Variants in ACACB observed in about 807,000 individuals in gnomAD.
ACACB encodes acetyl-CoA carboxylase beta, also known as acetyl-CoA carboxylase 2.
Under a neutral mutation model 278.8 loss-of-function variants are expected in ACACB, and 209 were observed. That is an observed-to-expected ratio of 0.75 (90% CI 0.67 to 0.84). ACACB has a LOEUF of 0.84. Among genes scored for constraint, ACACB ranks in the 40% least tolerant of loss-of-function variants. ACACB has a pLI of 0.00. For missense variants in ACACB, 2,850 were observed against 3,269.0 expected (o/e 0.87, Z 3.13); for synonymous variants, 1,174 against 1,285.6 (o/e 0.91, Z 1.86).
At chr12:109,128,489 C>G (rs1201375762) in intron 1 of ACACB, among the ~76,000 whole-genome samples, 6 of 152,064 alleles carry the variant, frequency 3.9e-5, no homozygotes, top group Admixed American at 6.6e-5. Flanking sequence ...AGGCACCCAC[C>G]ACCACGCCCA....
At position 109,183,975 on chromosome 12, in the gene ACACB, G is replaced by A. The variant is rs532024233; in HGVS notation, c.1819-1604G>A. Among the ~76,000 whole-genome samples the A allele has an allele frequency of 2.4e-4, 36 of 151,346 alleles. No homozygotes were observed. The South Asian group carries it at 6.3e-3, about 26-fold the overall frequency. On this transcript the variant is annotated intron_variant, in intron 11 of 52. Coordinates refer to ENST00000338432, the MANE Select transcript of ACACB (RefSeq NM_001093.4). ...AGAATGATACAATTAATACCCATAC[G>A]CCCTGCATATAGATCCATCAGTTGC...
In ACACB at chr12:109,222,834, G is replaced by T. The variant is rs1197518125; in HGVS notation, c.3714G>T (p.Leu1238=). 12 of 1,613,768 alleles carry T rather than the reference G, an allele frequency of 7.4e-6. No individual in the cohort carries two copies. In the East Asian group the frequency reaches 2.5e-4, roughly 33 times the overall value. The change falls in exon 26 of 53, where the codon CTG becomes CTT. Residue 1238 remains leucine (L), a synonymous_variant. Transcript: ENST00000338432. ...CCTCCCACCTCCCCTCCTACGAGCTGCGGCATAACCAGGTGGAGTCCATTT... is the reference window on the plus strand; with the variant it reads ...CCTCCCACCTCCCCTCCTACGAGCTTCGGCATAACCAGGTGGAGTCCATTT... ...LIASHLPSYE[L]RHNQVESIFL...
At position 109,235,322 on chromosome 12, in the gene ACACB, C is replaced by T; in HGVS notation, c.4357C>T (p.Leu1453Phe). Residue 1453 changes from leucine (L) to phenylalanine (F), a missense_variant, in exon 32 of 53, where the codon CTT becomes TTT. Transcript: ENST00000338432. ...TTGGTTTTTAATGCAGAAAAATATC[C>T]TTGTGGATTATGGACTCCGACGAAT... ...RTFVQSKKNI[L>F]VDYGLRRITF... 3 of 1,613,992 alleles carry T rather than the reference C, an allele frequency of 1.9e-6. No homozygotes were observed. The South Asian group carries it at 3.3e-5, about 18-fold the overall frequency.
At chr12:109,133,863 A>ATATATATAGT (rs55881936) in intron 1 of ACACB, among the ~76,000 whole-genome samples, 1 of 70,656 alleles carries the variant, frequency 1.4e-5, no homozygotes, top group African/African-American at 8.9e-5. Flanking sequence ...ATATATATAT[A>ATATATATAGT]TTTTTTTTTT....
Position 109,191,715 on chromosome 12 carries a change from C to G in ACACB, c.2247C>G (p.Asn749Lys), listed in dbSNP as rs371854014. Residue 749 changes from asparagine (N) to lysine (K), a missense_variant, in exon 14 of 53, where the codon AAC becomes AAG. Around this residue, in one of 3 missense-constraint regions of ACACB, gnomAD observed 2,265 missense variants for 2,561.3 expected, o/e 0.88. Coordinates refer to ENST00000338432, the MANE Select transcript of ACACB (RefSeq NM_001093.4). The stretch of plus-strand genomic sequence containing the variant: ...TGGAGACCGAGAGCTTCCAGAACAA[C>G]GACATCGACACCGGGTGGTTGGACT... ...NLLETESFQN[N>K]DIDTGWLDYL... 1 of 1,614,058 alleles carries G rather than the reference C, an allele frequency of 6.2e-7. No homozygotes were observed. The highest frequency in any genetic ancestry group is 1.3e-5 in the African/African-American group (1 of 74,916).
At chr12:109,121,140 A>T (rs549948083) in intron 1 of ACACB, among the ~76,000 whole-genome samples, 3 of 152,118 alleles carry the variant, frequency 2.0e-5, no homozygotes, top group Non-Finnish European at 4.4e-5. Context: ...GGGTTTCACC[A>T]TGTTGGCCAG....
chr12:109,144,315 T>A (rs540076392), intron 2 of ACACB, among the ~76,000 whole-genome samples: 2 of 152,106 alleles, frequency 1.3e-5, no homozygotes, highest in Admixed American at 1.3e-4. Context: ...TCTGTCTCAA[T>A]AAATAAATAA....
intron 16 of ACACB, among the ~76,000 whole-genome samples, chr12:109,194,958 C>G (rs1187475051): frequency 6.6e-6 from 1 of 152,036 alleles, no homozygotes; most frequent in Non-Finnish European, 1.5e-5. Flanking sequence ...CTGGCATCTT[C>G]CCTGGTTTAC....
rs747698774 is a variant in ACACB at position 109,139,452 on chromosome 12, C to A, written c.47C>A (p.Thr16Asn). Residue 16 changes from threonine (T) to asparagine (N), a missense_variant, in exon 2 of 53, where the codon ACC (threonine) becomes AAC (asparagine). Thr to Asn is a moderately conservative substitution (Grantham distance 65). Around this residue, in one of 3 missense-constraint regions of ACACB, gnomAD observed 2,265 missense variants for 2,561.3 expected, o/e 0.88. Coordinates refer to ENST00000338432, the MANE Select transcript of ACACB (RefSeq NM_001093.4). ...TCTTGTCTGATTTTCTCCTGTCTGA[C>A]CTTTTCCTGGTTAAAAATCTGGGGG... Reference protein sequence around the residue: ...CLSCLIFSCLTFSWLKIWGKM... With the variant: ...CLSCLIFSCLNFSWLKIWGKM... 6.2e-7 allele frequency: 1 copy of A among 1,614,170 alleles called. No homozygotes were observed. The highest frequency in any genetic ancestry group is 1.7e-5 in the Admixed American group (1 of 60,026).
chr12:109,256,871 AG>A (rs1345228484), intron 45 of ACACB, among the ~76,000 whole-genome samples: 1 of 152,234 alleles, frequency 6.6e-6, no homozygotes, highest in African/African-American at 2.4e-5. Flanking sequence ...TCTACCCCAA[AG>A]GATTATTGTG....
chr12:109,162,360 A>G (rs558324727), intron 2 of ACACB, among the ~76,000 whole-genome samples: 29 of 152,240 alleles, frequency 1.9e-4, no homozygotes, highest in African/African-American at 6.7e-4. Flanking sequence ...AGCAGTGAGG[A>G]AAGTTGGGGA....
At chr12:109,166,649 CAAAAAAA>C (rs869303420) in intron 2 of ACACB, among the ~76,000 whole-genome samples, 1 of 25,062 alleles carries the variant, frequency 4.0e-5, no homozygotes, top group Non-Finnish European at 6.4e-5. Flanking sequence ...GATCCCGTCT[CAAAAAAA>C]AAAAAAAAAA....
chr12:109,188,381 C>CTCCCCTCCCCTTCCATCCCT (rs2044746288), intron 13 of ACACB, among the ~76,000 whole-genome samples: 1 of 142,516 alleles, frequency 7.0e-6, no homozygotes, highest in Non-Finnish European at 1.5e-5. Flanking sequence ...CTCTTCTGCC[C>CTCCCCTCCCCTTCCATCCCT]TCCCCTCCCC....
At chr12:109,112,204 T>C (rs531419996), upstream of ACACB, among the ~76,000 whole-genome samples, 55 of 149,018 alleles carry the variant, frequency 3.7e-4, no homozygotes, top group African/African-American at 1.3e-3. Context: ...TATACAAAAG[T>C]TCAATATACG....
At chr12:109,246,756 T>G (rs1212028172) in intron 39 of ACACB, among the ~76,000 whole-genome samples, 1 of 151,892 alleles carries the variant, frequency 6.6e-6, no homozygotes, top group Non-Finnish European at 1.5e-5. Context: ...AATGCAGAGG[T>G]GATTGTGTCA....
chr12:109,175,921 G>T lies in ACACB; in HGVS notation c.1217-10G>T. ...TTTGGGAGGAATCAGGTTTCTTTGT[G>T]ACTCTCCAGGCCTGACAGTGGAGTG... On this transcript the variant is annotated splice_polypyrimidine_tract_variant and intron_variant, in intron 7 of 52. Transcript: ENST00000338432. 1 of 1,613,016 alleles carries T rather than the reference G, an allele frequency of 6.2e-7. No homozygotes were observed. Among genetic ancestry groups the T allele is most frequent in the South Asian group, 1.1e-5 (1 of 91,014 alleles).
intron 20 of ACACB, among the ~76,000 whole-genome samples, chr12:109,207,246 G>C (rs778290568): frequency 6.6e-6 from 1 of 152,116 alleles, no homozygotes; most frequent in East Asian, 1.9e-4. Context: ...CTGAGCCACC[G>C]CACCCAGCCC....
intron 27 of ACACB, among the ~76,000 whole-genome samples, chr12:109,225,190 G>A (rs1007675372): frequency 6.6e-6 from 1 of 152,132 alleles, no homozygotes; most frequent in Non-Finnish European, 1.5e-5. Flanking sequence ...GACAGGTCTT[G>A]CCGTGTTGAC....
intron 4 of ACACB, among the ~76,000 whole-genome samples, chr12:109,168,681 G>T (rs1334330936): frequency 6.6e-6 from 1 of 152,028 alleles, no homozygotes; most frequent in Non-Finnish European, 1.5e-5. Context: ...AATTAACTGG[G>T]TATAGTGGCA....
Sources: gnomAD v4.1 joint callset for allele counts (sites outside exome capture counted in the v4.1 genomes callset) on GRCh38, gnomAD v4.1.1 for gene constraint, gnomAD v4.1.1 regional missense constraint, MANE v1.5 for transcripts, NCBI Gene and HGNC (gene_info 2026-07-23, HGNC 2026-07-21) for gene names.